The following CACNA1E variants were observed in gnomAD, a reference collection of about 807,000 sequenced individuals.
CACNA1E encodes voltage-dependent R-type calcium channel subunit alpha-1E.
Under a neutral mutation model 259.2 loss-of-function variants are expected in CACNA1E, and 40 were observed. The ratio of observed to expected loss-of-function variants is 0.15; its 90% CI spans 0.12 to 0.20. The LOEUF (loss-of-function observed/expected upper bound fraction) is 0.20. Ranked by LOEUF, CACNA1E falls within the 10% of genes least tolerant of loss-of-function variation. The probability of loss-of-function intolerance (pLI) is 1.00; values close to 1 mark genes in which losing one functional copy is unlikely to be tolerated. For synonymous variants in CACNA1E, 1,104 were observed against 1,138.5 expected, an observed-to-expected ratio of 0.97 and a Z score of 0.61; for missense variants, 1,874 against 3,040.1, an observed-to-expected ratio of 0.62 and a Z score of 9.02.
At chr1:181,412,101 G>A (rs1657895954) in intron 1 of CACNA1E, among the ~76,000 whole-genome samples, 1 of 152,262 alleles carries the variant, frequency 6.6e-6, no homozygotes, top group Non-Finnish European at 1.5e-5. Context: ...AACGCTGATT[G>A]AATACGTACG....
intron 1 of CACNA1E, among the ~76,000 whole-genome samples, chr1:181,400,697 G>A (rs552354797): frequency 6.6e-5 from 10 of 152,298 alleles, no homozygotes; most frequent in African/African-American, 2.4e-4. Context: ...AGACACAGGA[G>A]CTTTAGGGAT....
intron 2 of CACNA1E, among the ~76,000 whole-genome samples, chr1:181,459,072 G>A (rs908673855): frequency 4.6e-5 from 7 of 152,232 alleles, no homozygotes; most frequent in African/African-American, 1.2e-4. Context: ...TTAACCTGGG[G>A]TGATGTCACA....
chr1:181,730,367 A>C (rs1655349748), intron 18 of CACNA1E, among the ~76,000 whole-genome samples: 1 of 152,118 alleles, frequency 6.6e-6, no homozygotes, highest in Non-Finnish European at 1.5e-5. Flanking sequence ...TGAGCATTGA[A>C]CCTGTGCTGA....
At chr1:181,359,747 T>C (rs1159859399) in intron 1 of CACNA1E, among the ~76,000 whole-genome samples, 4 of 152,236 alleles carry the variant, frequency 2.6e-5, no homozygotes, top group African/African-American at 9.6e-5. Context: ...TACTTATCTC[T>C]AGTCACAAAT....
At chr1:181,610,738 A>G (rs996779070) in intron 6 of CACNA1E, among the ~76,000 whole-genome samples, 6 of 152,192 alleles carry the variant, frequency 3.9e-5, no homozygotes, top group Non-Finnish European at 7.3e-5. Flanking sequence ...ACATTGGAGC[A>G]TCTTGGGTGG....
At chr1:181,585,542 T>C (rs926449145) in intron 6 of CACNA1E, among the ~76,000 whole-genome samples, 28 of 152,178 alleles carry the variant, frequency 1.8e-4, no homozygotes, top group African/African-American at 6.8e-4. Flanking sequence ...AAACATATGG[T>C]ATATCAGATA....
At chr1:181,372,564 C>G (rs967318490) in intron 1 of CACNA1E, among the ~76,000 whole-genome samples, 1 of 152,164 alleles carries the variant, frequency 6.6e-6, no homozygotes, top group African/African-American at 2.4e-5. Context: ...TTGACTTCCT[C>G]TCTTCCTATT....
chr1:181,732,759 CTG>C lies in CACNA1E; in HGVS notation c.2676_2677del (p.Cys892Ter). On this transcript the variant is annotated frameshift_variant, in exon 20 of 48. Coordinates refer to ENST00000367573, the MANE Select transcript of CACNA1E (RefSeq NM_001205293.3). LOFTEE classifies it high-confidence loss of function. The surrounding 1 kb of genome is among the most constrained non-coding windows in gnomAD (Gnocchi z 5.5). ...GGCTGGCCAGGCCCTGTCATGGAAA[CTG>C]TGACCCGACTCAGCAGGAGGCAGGG... ...PWLARPCHGN[C>X]DPTQQEAGGG... 1 of 1,572,202 alleles carries C rather than the reference CTG, an allele frequency of 6.4e-7. No individual in the cohort carries two copies. Among genetic ancestry groups the C allele is most frequent in the Non-Finnish European group, 8.6e-7 (1 of 1,159,430 alleles).
chr1:181,601,653 C>T (rs895449552), intron 6 of CACNA1E, among the ~76,000 whole-genome samples: 29 of 152,306 alleles, frequency 1.9e-4, no homozygotes, highest in Admixed American at 4.6e-4. Flanking sequence ...TGACCTCCAG[C>T]GCTGCACCCT....
At chr1:181,360,277 A>G (rs568947586) in intron 1 of CACNA1E, among the ~76,000 whole-genome samples, 1 of 152,182 alleles carries the variant, frequency 6.6e-6, no homozygotes, top group Non-Finnish European at 1.5e-5. Context: ...ATAACATATA[A>G]CCACACAAAA....
chr1:181,626,232 T>C (rs977398610), intron 6 of CACNA1E, among the ~76,000 whole-genome samples: 1 of 152,152 alleles, frequency 6.6e-6, no homozygotes, highest in African/African-American at 2.4e-5. Flanking sequence ...GAAGCGAGCA[T>C]GTGCTGTTGG....
At chr1:181,448,098 A>C (rs187989935) in intron 2 of CACNA1E, among the ~76,000 whole-genome samples, 1 of 152,364 alleles carries the variant, frequency 6.6e-6, no homozygotes, top group Admixed American at 6.5e-5. Context: ...CTGCAGTCTT[A>C]GTTCCCGTAA....
intron 1 of CACNA1E, among the ~76,000 whole-genome samples, chr1:181,353,218 A>G (rs994600738): frequency 6.6e-6 from 1 of 152,102 alleles, no homozygotes; most frequent in African/African-American, 2.4e-5. Context: ...TGAGGGGCCC[A>G]TTTATATATC....
intron 32 of CACNA1E, among the ~76,000 whole-genome samples, chr1:181,760,364 A>G (rs931343121): frequency 1.3e-5 from 2 of 152,232 alleles, no homozygotes; most frequent in Non-Finnish European, 2.9e-5. Flanking sequence ...AGCTTTCAGA[A>G]TATTGTAATA....
chr1:181,351,184 G>A (rs923565431), intron 1 of CACNA1E, among the ~76,000 whole-genome samples: 2 of 152,172 alleles, frequency 1.3e-5, no homozygotes, highest in African/African-American at 4.8e-5. Flanking sequence ...TGAGGAGGAC[G>A]GGTAGGTCTG....
chr1:181,606,328 G>A (rs12138328), intron 6 of CACNA1E, among the ~76,000 whole-genome samples: 4,385 of 152,108 alleles, frequency 0.029, 80 homozygotes, highest in Middle Eastern at 0.058. Flanking sequence ...TACCACCTAC[G>A]GAGTTGCCCA....
At chr1:181,678,435 C>T (rs912374043) in intron 7 of CACNA1E, among the ~76,000 whole-genome samples, 1 of 152,134 alleles carries the variant, frequency 6.6e-6, no homozygotes, top group Non-Finnish European at 1.5e-5. Flanking sequence ...TATATAATAA[C>T]AATAATGATA....
chr1:181,560,490 A>T (rs1649214885), intron 3 of CACNA1E, among the ~76,000 whole-genome samples: 1 of 152,104 alleles, frequency 6.6e-6, no homozygotes, highest in Non-Finnish European at 1.5e-5. Context: ...AGACTATATG[A>T]TGCCTTTTCC....
At chr1:181,451,699 C>CAA (rs11399789) in intron 2 of CACNA1E, among the ~76,000 whole-genome samples, 248 of 151,534 alleles carry the variant, frequency 1.6e-3, no homozygotes, top group Non-Finnish European at 2.7e-3. Context: ...CAAAGAAAAA[C>CAA]AAAAAAAATA....
Sources: allele counts gnomAD v4.1 joint callset (sites outside exome capture counted in the v4.1 genomes callset), GRCh38; gene constraint gnomAD v4.1.1; non-coding constraint Gnocchi (gnomAD v3.1); transcripts MANE v1.5; gene names NCBI Gene and HGNC (gene_info 2026-07-23, HGNC 2026-07-21).